EPSTI1: variants seen among roughly 807,000 people sequenced by gnomAD.
EPSTI1 encodes epithelial-stromal interaction protein 1.
EPSTI1 carries 66 observed loss-of-function variants against 49.9 expected under a neutral mutation model. That is an observed-to-expected ratio of 1.32 (90% confidence interval 1.08 to 1.62). EPSTI1 has a LOEUF of 1.62. EPSTI1 is among the 40% of genes most tolerant of loss of function. The probability of loss-of-function intolerance (pLI) is 0.00; values close to 1 mark genes in which losing one functional copy is unlikely to be tolerated. For missense variants in EPSTI1, 394 were observed against 365.5 expected, an observed-to-expected ratio of 1.08 and a Z score of -0.64; for synonymous variants, 137 against 130.7, an observed-to-expected ratio of 1.05 and a Z score of -0.33.
At chr13:42,898,395 C>A (rs2037257405) in intron 9 of EPSTI1, among the ~76,000 whole-genome samples, 1 of 152,162 alleles carries the variant, frequency 6.6e-6, no homozygotes, top group Non-Finnish European at 1.5e-5. Flanking sequence ...AAGCTCATGG[C>A]ACACTTTAAA....
intron 1 of EPSTI1, among the ~76,000 whole-genome samples, chr13:42,990,655 T>C (rs192202546): frequency 3.7e-4 from 57 of 152,344 alleles, no homozygotes; most frequent in African/African-American, 1.4e-3. Flanking sequence ...CAATCTCTAA[T>C]TGATTTCCAG....
At chr13:42,991,934 G>A (rs774944766) in intron 1 of EPSTI1, 44 bp downstream of exon 1, 1 of 1,609,720 alleles carries the variant, frequency 6.2e-7, no homozygotes, top group Middle Eastern at 1.7e-4. Context: ...AGTATGTTTG[G>A]GGCCCGGGCT....
chr13:42,927,708 T>C (rs1248579267), intron 6 of EPSTI1, among the ~76,000 whole-genome samples: 2 of 152,178 alleles, frequency 1.3e-5, no homozygotes, highest in Non-Finnish European at 2.9e-5. Context: ...TGAAGCAACA[T>C]ACAGAACCCT....
Position 42,900,322 on chromosome 13 carries a change from G to C in EPSTI1, c.803C>G (p.Thr268Ser), listed in dbSNP as rs2037318769. The C allele has an allele frequency of 6.2e-7, 1 of 1,613,640 alleles. No individual in the cohort carries two copies. The highest frequency in any genetic ancestry group is 8.5e-7 in the Non-Finnish European group (1 of 1,179,698). The part of the protein sequence containing the change: ...QEQERAKIHQ[T>S]EHRRVNNAFL... ...TAGCCAGTTTTACCTCCTGTGTTCA[G>C]TCTGGTGGATTTTGGCTCTTTCTTG... Residue 268 changes from threonine (T) to serine (S), a missense_variant, in exon 9 of 11, where the codon ACT becomes AGT. Coordinates refer to ENST00000313624, the MANE Select transcript of EPSTI1 (RefSeq NM_033255.5).
At chr13:42,953,913 T>C in intron 6 of EPSTI1, 35 bp downstream of exon 6, 2 of 1,574,156 alleles carry the variant, frequency 1.3e-6, no homozygotes, top group South Asian at 1.1e-5. Flanking sequence ...ACAATCTGCC[T>C]ATAAAGGCAC....
chr13:42,934,385 A>C (rs1346201989), intron 6 of EPSTI1: 3 of 156,046 alleles, frequency 1.9e-5, no homozygotes. Context: ...TTGGGTGAAC[A>C]ACTGCATCTG....
chr13:42,923,647 C>T (rs2038086921), intron 7 of EPSTI1, among the ~76,000 whole-genome samples: 2 of 152,300 alleles, frequency 1.3e-5, no homozygotes, highest in South Asian at 2.1e-4. Context: ...CAGCGATGGT[C>T]GCTGAGGAAG....
At chr13:42,888,817 A>T (rs942770416) in intron 10 of EPSTI1, among the ~76,000 whole-genome samples, 1 of 152,236 alleles carries the variant, frequency 6.6e-6, no homozygotes, top group African/African-American at 2.4e-5. Context: ...ACACAGTTAC[A>T]GCAAGGACAG....
chr13:42,893,748 G>A (rs532105360), intron 10 of EPSTI1, among the ~76,000 whole-genome samples: 2 of 152,232 alleles, frequency 1.3e-5, no homozygotes, highest in South Asian at 2.1e-4. Context: ...CCATAGAGAA[G>A]AAATGACAAC....
In EPSTI1 at chr13:42,955,877, T is replaced by TGG. The variant is rs57603932; in HGVS notation, c.490-1858_490-1857dup. Among the ~76,000 whole-genome samples the TGG allele has an allele frequency of 4.1e-3, 433 of 105,476 alleles. 1 individual carries two copies. Among genetic ancestry groups the TGG allele is most frequent in the Non-Finnish European group, 4.7e-3 (273 of 57,612 alleles). The allele number at this position is 105,476 out of a possible 152,430, so 69.2% of individuals were successfully genotyped here. A position where few individuals can be genotyped will look rare whatever the true frequency, so the allele number is the denominator to read the frequency against. The stretch of plus-strand genomic sequence containing the variant: ...AGTTGATAGTTGATGAAGAAGTATT[T>TGG]GGGGGGGGGGGGAAGTAGTAGTAGT... On this transcript the variant is annotated intron_variant, in intron 5 of 10. Coordinates refer to ENST00000313624, the MANE Select transcript of EPSTI1 (RefSeq NM_033255.5).
chr13:42,942,714 C>G, intron 6 of EPSTI1, among the ~76,000 whole-genome samples: 1 of 117,288 alleles, frequency 8.5e-6, no homozygotes, highest in Non-Finnish European at 1.6e-5. Flanking sequence ...CGGAGTCTTG[C>G]TCTGTCGCCC....
At chr13:42,960,755 A>C (rs1594731829) in intron 5 of EPSTI1, among the ~76,000 whole-genome samples, 1 of 152,210 alleles carries the variant, frequency 6.6e-6, no homozygotes, top group Admixed American at 6.5e-5. Context: ...GAGGCTACCC[A>C]CATTCCTGGG....
intron 3 of EPSTI1, among the ~76,000 whole-genome samples, 173 bp downstream of exon 3, chr13:42,968,921 T>TACACACACAC (rs71970864): frequency 0.029 from 3,357 of 117,608 alleles, 72 homozygotes; most frequent in Non-Finnish European, 0.035. Context: ...AAAAAAAAAA[T>TACACACACAC]ACACACACAC....
At position 42,926,449 on chromosome 13, in the gene EPSTI1, G is replaced by A. The variant is rs377668194; in HGVS notation, c.564-20C>T. 1 of 1,393,322 alleles carries A rather than the reference G, an allele frequency of 7.2e-7. No homozygotes were observed. The highest frequency in any genetic ancestry group is 1.0e-6 in the Non-Finnish European group (1 of 978,636). The allele number at this position is 1,393,322 out of a possible 1,614,324, so 86.3% of individuals were successfully genotyped here. A position where few individuals can be genotyped will look rare whatever the true frequency, so the allele number is the denominator to read the frequency against. On this transcript the variant is annotated intron_variant, in intron 6 of 10. Transcript: ENST00000313624. Reference sequence around the variant, plus strand: ...GTTTTGCTACCAGAAACACAAACAGGTGTTAGTGCCTTCACAAAAATATGA... The same window carrying A: ...GTTTTGCTACCAGAAACACAAACAGATGTTAGTGCCTTCACAAAAATATGA...
chr13:42,911,988 A>G (rs1394585146), intron 8 of EPSTI1, among the ~76,000 whole-genome samples: 1 of 152,034 alleles, frequency 6.6e-6, no homozygotes, highest in Non-Finnish European at 1.5e-5. Flanking sequence ...TGTGTTCTAT[A>G]ATAATAATTT....
intron 8 of EPSTI1, among the ~76,000 whole-genome samples, chr13:42,911,234 A>G (rs1410446027): frequency 7.9e-6 from 1 of 125,824 alleles, no homozygotes; most frequent in Non-Finnish European, 1.7e-5. Context: ...AGAGGGAGGG[A>G]GAGAGAGAGA....
intron 8 of EPSTI1, among the ~76,000 whole-genome samples, chr13:42,908,413 A>C (rs1178824375): frequency 6.6e-6 from 1 of 150,610 alleles, no homozygotes; most frequent in Non-Finnish European, 1.5e-5. Flanking sequence ...TTGAATCCCA[A>C]AGGCAGAGGC....
chr13:42,969,259 T>A, intron 2 of EPSTI1, 82 bp from the exon 3 acceptor site: 1 of 1,329,494 alleles, frequency 7.5e-7, no homozygotes, highest in Non-Finnish European at 1.0e-6. Flanking sequence ...AAGAAACAAC[T>A]ATTAGAAGGC....
chr13:42,989,971 G>A (rs868212162), intron 1 of EPSTI1, among the ~76,000 whole-genome samples: 6 of 151,872 alleles, frequency 4.0e-5, no homozygotes, highest in Non-Finnish European at 7.4e-5. Context: ...TTGGGGCAGC[G>A]GGTAGGCAGC....
Sources: allele counts gnomAD v4.1 joint callset (sites outside exome capture counted in the v4.1 genomes callset), GRCh38; gene constraint gnomAD v4.1.1; transcripts MANE v1.5; gene names NCBI Gene and HGNC (gene_info 2026-07-23, HGNC 2026-07-21).